The following COL5A1 variants were observed in gnomAD, a reference collection of about 807,000 sequenced individuals.
COL5A1 encodes collagen alpha-1(V) chain.
COL5A1 carries 16 observed loss-of-function variants against 263.7 expected under a neutral mutation model. The observed-to-expected ratio is 0.06, with a 90% CI of 0.04 to 0.09. COL5A1 has a LOEUF of 0.09. COL5A1 is among the 10% of genes least tolerant of loss of function. The pLI, the probability that COL5A1 is intolerant of heterozygous loss-of-function variation, is 1.00. For synonymous variants in COL5A1, 1,012 were observed against 1,004.5 expected (o/e 1.01, Z -0.14); for missense variants, 2,036 against 2,540.5 (o/e 0.80, Z 4.27).
chr9:134,830,225 A>G (rs763944814), intron 64 of COL5A1, 181 bp downstream of exon 64: 1 of 1,565,114 alleles, frequency 6.4e-7, no homozygotes, highest in Non-Finnish European at 8.7e-7. Flanking sequence ...TGCTTGCGGC[A>G]CGGCTGGCTC....
At chr9:134,719,267 CACAT>C (rs1198325233) in intron 4 of COL5A1, among the ~76,000 whole-genome samples, 3 of 152,226 alleles carry the variant, frequency 2.0e-5, no homozygotes, top group Non-Finnish European at 2.9e-5. Context: ...ACCCATGTCA[CACAT>C]ACACATGCAT....
Position 134,825,534 on chromosome 9 carries a change from C to T in COL5A1, c.4955-258C>T, listed in dbSNP as rs9409997. Among the ~76,000 whole-genome samples the T allele has an allele frequency of 0.52, 78,073 of 151,414 alleles. 20,316 individuals are homozygous for T. Among genetic ancestry groups the T allele is most frequent in the Middle Eastern group, 0.59 (173 of 292 alleles). On this transcript the variant is annotated intron_variant, in intron 62 of 65. Transcript: ENST00000371817. ...CCAGAGAGTAGGCCGGACCCCAACC[C>T]TCCTGGCCACCAGAACACGTACCCA...
Position 134,842,419 on chromosome 9 carries a change from A to C in COL5A1, c.*116A>C. 3 of 1,289,562 alleles carry C rather than the reference A, an allele frequency of 2.3e-6. No homozygotes were observed. The highest frequency in any genetic ancestry group is 3.3e-6 in the Non-Finnish European group (3 of 918,452). 79.9% of individuals were successfully genotyped at this position (1,289,562 alleles called of 1,614,324 possible). On this transcript the variant is annotated 3_prime_UTR_variant, in exon 66 of 66. Transcript: ENST00000371817. This position sits in a 1 kb window ranked among gnomAD's most constrained non-coding sequence, Gnocchi z 5.8. The stretch of plus-strand genomic sequence containing the variant: ...AGTGAAGGCTTCTCCCTCCCCTCCC[A>C]CCTGACTTCATCTACGCCTCGGCAC...
intron 1 of COL5A1, 103 bp from the exon 2 acceptor site, chr9:134,690,809 C>A (rs566577614): frequency 6.5e-5 from 91 of 1,403,186 alleles, no homozygotes; most frequent in Middle Eastern, 4.1e-4. Flanking sequence ...CCAGGATTCA[C>A]AGTGGTGGGG....
intron 34 of COL5A1, 65 bp from the exon 35 acceptor site, chr9:134,796,309 G>C (rs1222623088): frequency 1.9e-6 from 3 of 1,552,954 alleles, no homozygotes; most frequent in Non-Finnish European, 2.7e-6. Context: ...GACGTTGTGG[G>C]CCAGAGTCTT....
chr9:134,702,609 G>A (rs971963716), intron 4 of COL5A1, among the ~76,000 whole-genome samples: 10 of 152,352 alleles, frequency 6.6e-5, no homozygotes, highest in African/African-American at 2.2e-4. Flanking sequence ...ATGTCTGCTC[G>A]TGGGGACGGG....
At position 134,758,155 on chromosome 9, in the gene COL5A1, C is replaced by T. The variant is rs191715678; in HGVS notation, c.1882-88C>T. On this transcript the variant is annotated intron_variant, in intron 17 of 65. Transcript: ENST00000371817. This position sits in a 1 kb window ranked among gnomAD's most constrained non-coding sequence, Gnocchi z 4.1. ...ATGCTGTGTGAAACGTGGTCCAAGG[C>T]GGGGCGGCCATCACTTGGTGGACAC... The T allele has an allele frequency of 2.8e-5, 38 of 1,361,794 alleles. No homozygotes were observed. The highest frequency in any genetic ancestry group is 1.5e-4 in the Admixed American group (9 of 59,546). The allele number at this position is 1,361,794 out of a possible 1,614,324, so 84.4% of individuals were successfully genotyped here. A position where few individuals can be genotyped will look rare whatever the true frequency, so the allele number is the denominator to read the frequency against.
Position 134,709,094 on chromosome 9 carries a change from A to T in COL5A1, c.654+7761A>T, listed in dbSNP as rs1429973381. On this transcript the variant is annotated intron_variant, in intron 4 of 65. Transcript: ENST00000371817. ...TCTGCAGTGATCTTATTTCTGGACA[A>T]GGTCACCTGTGGATCTAGATTCTGG... The T allele has an allele frequency of 7.9e-6, 3 of 381,020 alleles. No individual in the cohort carries two copies. In the East Asian group the frequency reaches 2.2e-4, roughly 28 times the overall value. 23.6% of individuals were successfully genotyped at this position (381,020 alleles called of 1,614,324 possible). A position where few individuals can be genotyped will look rare whatever the true frequency, so the allele number is the denominator to read the frequency against.
intron 37 of COL5A1, among the ~76,000 whole-genome samples, chr9:134,799,006 G>T (rs1194132092): frequency 1.3e-5 from 2 of 152,216 alleles, no homozygotes; most frequent in African/African-American, 4.8e-5. Context: ...AATCCAGGGG[G>T]TCTGGAGGAT....
At chr9:134,658,028 C>G (rs1245887168) in intron 1 of COL5A1, among the ~76,000 whole-genome samples, 3 of 151,960 alleles carry the variant, frequency 2.0e-5, no homozygotes, top group Non-Finnish European at 4.4e-5. Flanking sequence ...GCGGACTGCA[C>G]TCGGAGTCCT....
At chr9:134,656,631 C>T (rs763728626) in intron 1 of COL5A1, among the ~76,000 whole-genome samples, 3 of 151,992 alleles carry the variant, frequency 2.0e-5, no homozygotes, top group Non-Finnish European at 2.9e-5. Context: ...CAGGTGCACT[C>T]GTGGTATTGA....
intron 4 of COL5A1, among the ~76,000 whole-genome samples, chr9:134,704,306 G>T (rs943476898): frequency 2.0e-5 from 3 of 152,152 alleles, no homozygotes; most frequent in Admixed American, 6.5e-5. Flanking sequence ...AGTTTTGTGT[G>T]TGTGGGAGGC....
intron 36 of COL5A1, 51 bp from the exon 37 acceptor site, chr9:134,798,357 G>A: frequency 6.4e-7 from 1 of 1,551,902 alleles, no homozygotes; most frequent in Non-Finnish European, 8.9e-7. Context: ...TCTCAAAGGT[G>A]GTTGCTTCTC....
chr9:134,685,212 CCACCATCCATTCACCCATCCATCCATT>C (rs1832992132), intron 1 of COL5A1, among the ~76,000 whole-genome samples: 2 of 151,068 alleles, frequency 1.3e-5, no homozygotes, highest in African/African-American at 2.4e-5. Context: ...ATCCATCCAT[CCACCATCCATTCACCCATCCATCCATT>C]CATCCATCCA....
chr9:134,666,777 C>T (rs1420654808), intron 1 of COL5A1, among the ~76,000 whole-genome samples: 1 of 152,222 alleles, frequency 6.6e-6, no homozygotes, highest in African/African-American at 2.4e-5. Context: ...GGCCTTGATT[C>T]AGCACTGAGT....
chr9:134,752,517 C>A, intron 13 of COL5A1, 72 bp from the exon 14 acceptor site: 1 of 1,187,658 alleles, frequency 8.4e-7, no homozygotes. Context: ...CCACATCTCA[C>A]GGCTCAGGCG....
chr9:134,772,985 C>T, intron 26 of COL5A1, 151 bp downstream of exon 26: 1 of 832,398 alleles, frequency 1.2e-6, no homozygotes, highest in East Asian at 2.6e-5. Flanking sequence ...CCAAGGGACC[C>T]AGCCTGGGGG....
In COL5A1 at chr9:134,731,624, G is replaced by T. The variant is rs373460629; in HGVS notation, c.1293G>T (p.Gly431=). 4.3e-5 allele frequency: 69 copies of T among 1,613,958 alleles called. No homozygotes were observed. The highest frequency in any genetic ancestry group is 6.7e-5 in the African/African-American group (5 of 74,932). Residue 431 remains glycine (G), a synonymous_variant, in exon 8 of 66, where the codon GGG becomes GGT. Coordinates refer to ENST00000371817, the MANE Select transcript of COL5A1 (RefSeq NM_000093.5). The part of the protein sequence containing the change: ...YDPTSSPSEI[G]PGMPANQDTI... ...CCACCAGCTCCCCGTCGGAGATCGG[G>T]CCGGGAATGCCGGCGAACCAGGATA... is the stretch of plus-strand genomic sequence containing the variant.
chr9:134,727,279 A>G lies in COL5A1; in HGVS notation c.668A>G (p.Gln223Arg), dbSNP rs1554787531. The G allele has an allele frequency of 6.2e-7, 1 of 1,613,964 alleles. No individual in the cohort carries two copies. Among genetic ancestry groups the G allele is most frequent in the Non-Finnish European group, 8.5e-7 (1 of 1,180,012 alleles). Residue 223 changes from glutamine to arginine, a missense_variant, in exon 5 of 66, where the codon CAG becomes CGG. By Grantham distance (43) the Gln-to-Arg change is conservative (BLOSUM62 1). Coordinates refer to ENST00000371817, the MANE Select transcript of COL5A1 (RefSeq NM_000093.5). ...CTTCTTTTCCAGGGTGACATCCAGC[A>G]GCTGCTCTTTGTCTCGGACCACCGG... The part of the protein sequence containing the change: ...DEEVFEGDIQ[Q>R]LLFVSDHRAA...
Sources: allele counts gnomAD v4.1 joint callset (sites outside exome capture counted in the v4.1 genomes callset), GRCh38; gene constraint gnomAD v4.1.1; non-coding constraint Gnocchi (gnomAD v3.1); transcripts MANE v1.5; gene names NCBI Gene and HGNC (gene_info 2026-07-23, HGNC 2026-07-21).